Variants in MARCHF6 observed in about 807,000 individuals in gnomAD.
MARCHF6 encodes membrane associated ring-CH-type finger 6, also known as E3 ubiquitin-protein ligase MARCHF6.
Under a neutral mutation model 133.7 loss-of-function variants are expected in MARCHF6, and 31 were observed. That is an observed-to-expected ratio of 0.23 (90% CI 0.17 to 0.31). The LOEUF (loss-of-function observed/expected upper bound fraction) is 0.31, where lower values mean the gene tolerates loss of function less well. MARCHF6 is among the 10% of genes least tolerant of loss of function. MARCHF6 has a pLI of 1.00. For missense variants in MARCHF6, 723 were observed against 1,121.6 expected (o/e 0.64, Z 5.08); for synonymous variants, 395 against 402.5 (o/e 0.98, Z 0.22).
At chr5:10,363,791 T>G (rs1735965051) in intron 1 of MARCHF6, among the ~76,000 whole-genome samples, 1 of 152,228 alleles carries the variant, frequency 6.6e-6, no homozygotes, top group Non-Finnish European at 1.5e-5. Flanking sequence ...AATTAAGTAC[T>G]GATGCATGGT....
chr5:10,415,369 C>A, intron 20 of MARCHF6, 119 bp from the exon 21 acceptor site: 1 of 888,298 alleles, frequency 1.1e-6, no homozygotes, highest in Non-Finnish European at 1.8e-6. Flanking sequence ...TTGATGAAGA[C>A]ATTGATATAT....
chr5:10,379,924 C>T (rs987602580), intron 3 of MARCHF6, among the ~76,000 whole-genome samples: 1 of 152,072 alleles, frequency 6.6e-6, no homozygotes, highest in African/African-American at 2.4e-5. Flanking sequence ...TTTTAAATTA[C>T]CGTTTTTTTC....
At chr5:10,427,391 G>A (rs1315236448) in intron 24 of MARCHF6, among the ~76,000 whole-genome samples, 1 of 152,068 alleles carries the variant, frequency 6.6e-6, no homozygotes, top group African/African-American at 2.4e-5. Context: ...TTCCTCTGTG[G>A]CCTTTAATGC....
In MARCHF6 at chr5:10,439,321, G is replaced by T. The variant is rs892980059; in HGVS notation, c.*5637G>T. ...AAGATTAAAGTCCAAATGGATTATA[G>T]TTCCCCAAAACTGTATAATTTCTAG... On this transcript the variant is annotated 3_prime_UTR_variant, in exon 26 of 26. Coordinates refer to ENST00000274140, the MANE Select transcript of MARCHF6 (RefSeq NM_005885.4). 3.3e-5 allele frequency: 5 copies of T among 152,184 alleles called. No homozygotes were observed. Among genetic ancestry groups the T allele is most frequent in the Non-Finnish European group, 5.9e-5 (4 of 68,036 alleles). 9.4% of individuals were successfully genotyped at this position (152,184 alleles called of 1,614,324 possible).
rs1738264357 is a variant in MARCHF6 at position 10,397,488 on chromosome 5, T to C, written c.913+144T>C. 5 of 565,788 alleles carry C rather than the reference T, an allele frequency of 8.8e-6. No homozygotes were observed. In the South Asian group the frequency reaches 9.6e-5, roughly 11 times the overall value. 35.0% of individuals were successfully genotyped at this position (565,788 alleles called of 1,614,324 possible). On this transcript the variant is annotated intron_variant, in intron 10 of 25. Coordinates refer to ENST00000274140, the MANE Select transcript of MARCHF6 (RefSeq NM_005885.4). ...TGAAAATAGTTTCAGATACAAACCC[T>C]GTATAGATAGGCCCCAGACAGACAG...
Position 10,372,299 on chromosome 5 carries a change from A to G in MARCHF6, c.20-5499A>G, listed in dbSNP as rs532173370. ...CTTTATTTTTTTATCATGTCTGTGTACTATTGTTAGTGGATATAATGCTTT... is the reference window on the plus strand; with the variant it reads ...CTTTATTTTTTTATCATGTCTGTGTGCTATTGTTAGTGGATATAATGCTTT... On this transcript the variant is annotated intron_variant, in intron 1 of 25. Coordinates refer to ENST00000274140, the MANE Select transcript of MARCHF6 (RefSeq NM_005885.4). Among the ~76,000 whole-genome samples, 20 of 152,266 alleles carry G rather than the reference A, an allele frequency of 1.3e-4. No individual in the cohort carries two copies. The South Asian group carries it at 3.9e-3, about 30-fold the overall frequency.
rs1018210445 is a variant in MARCHF6, at chr5:10,437,303, A to T, written c.*3619A>T. ...ATTTAAAATACTTCTTTAGGATGTT[A>T]TTCAGCCATCAAAAAAAAACCCAAC... is the stretch of plus-strand genomic sequence containing the variant. On this transcript the variant is annotated 3_prime_UTR_variant, in exon 26 of 26. Coordinates refer to ENST00000274140, the MANE Select transcript of MARCHF6 (RefSeq NM_005885.4). 1 of 152,190 alleles carries T rather than the reference A, an allele frequency of 6.6e-6. No individual in the cohort carries two copies. Among genetic ancestry groups the T allele is most frequent in the African/African-American group, 2.4e-5 (1 of 41,450 alleles). 9.4% of individuals were successfully genotyped at this position (152,190 alleles called of 1,614,324 possible). A position where few individuals can be genotyped will look rare whatever the true frequency, so the allele number is the denominator to read the frequency against.
intron 1 of MARCHF6, among the ~76,000 whole-genome samples, chr5:10,373,322 A>T (rs1334682001): frequency 1.3e-5 from 2 of 151,986 alleles, no homozygotes; most frequent in Non-Finnish European, 2.9e-5. Flanking sequence ...CTAAGTGGAG[A>T]TCCATGTCTC....
In MARCHF6 at chr5:10,390,196, CA is replaced by C. The variant is rs796927126; in HGVS notation, c.408-135del. On this transcript the variant is annotated intron_variant, in intron 5 of 25. Coordinates refer to ENST00000274140, the MANE Select transcript of MARCHF6 (RefSeq NM_005885.4). The stretch of plus-strand genomic sequence containing the variant: ...TTCTTTTGGAGAAACTTGAGATTTT[CA>C]TCCAAAAAATTATGATTTATTCTTC... 1.7e-5 allele frequency: 12 copies of C among 689,282 alleles called. No individual in the cohort carries two copies. The African/African-American group carries it at 2.0e-4, about 12-fold the overall frequency. 42.7% of individuals were successfully genotyped at this position (689,282 alleles called of 1,614,324 possible). A position where few individuals can be genotyped will look rare whatever the true frequency, so the allele number is the denominator to read the frequency against.
chr5:10,392,629 C>T (rs1321123534), intron 7 of MARCHF6, among the ~76,000 whole-genome samples: 1 of 152,106 alleles, frequency 6.6e-6, no homozygotes, highest in East Asian at 1.9e-4. Flanking sequence ...TGGCGCACGC[C>T]TGTAATCCCA....
intron 17 of MARCHF6, among the ~76,000 whole-genome samples, chr5:10,408,113 C>T (rs1561136868): frequency 6.6e-6 from 1 of 152,186 alleles, no homozygotes; most frequent in Non-Finnish European, 1.5e-5. Flanking sequence ...TCTAATGAGT[C>T]TTTAAAGTAT....
intron 24 of MARCHF6, 79 bp downstream of exon 24, chr5:10,426,601 A>G: frequency 6.9e-7 from 1 of 1,443,186 alleles, no homozygotes; most frequent in Non-Finnish European, 9.6e-7. Flanking sequence ...AGTAAAAAGG[A>G]TGTCTCACTC....
intron 1 of MARCHF6, among the ~76,000 whole-genome samples, chr5:10,373,688 G>T (rs541352530): frequency 3.3e-5 from 5 of 152,126 alleles, no homozygotes; most frequent in African/African-American, 9.7e-5. Flanking sequence ...GACACCCTTT[G>T]TCATGCTGTG....
intron 1 of MARCHF6, among the ~76,000 whole-genome samples, chr5:10,365,955 T>G (rs1736116718): frequency 6.6e-6 from 1 of 151,980 alleles, no homozygotes. Context: ...TACTTTTTTT[T>G]TGTTTTTTGG....
In MARCHF6 at chr5:10,378,784, C is replaced by A; in HGVS notation, c.142C>A (p.Arg48=). 6.2e-7 allele frequency: 1 copy of A among 1,608,686 alleles called. No individual in the cohort carries two copies. Among genetic ancestry groups the A allele is most frequent in the Non-Finnish European group, 8.5e-7 (1 of 1,176,688 alleles). The change falls in exon 3 of 26, where the codon CGA becomes AGA. Residue 48 remains arginine, a synonymous_variant. Transcript: ENST00000274140. ...ECLVQWLKHS[R]KEYCELCKHR... is the part of the protein sequence containing the mutation. ...CTTAGTTCAATGGCTGAAACACAGT[C>A]GAAAAGAATACTGTGAATTATGCAA...
At chr5:10,378,961 G>C in intron 3 of MARCHF6, 129 bp downstream of exon 3, 2 of 526,216 alleles carry the variant, frequency 3.8e-6, no homozygotes, top group Non-Finnish European at 6.7e-6. Flanking sequence ...ATTATTTTCA[G>C]CTTGATTTTT....
rs1285059624 is a variant in MARCHF6, at chr5:10,435,751, C to G, written c.*2067C>G. On this transcript the variant is annotated 3_prime_UTR_variant, in exon 26 of 26. Coordinates refer to ENST00000274140, the MANE Select transcript of MARCHF6 (RefSeq NM_005885.4). ...TTTGCCCCCGAGACAGAGTCTTACT[C>G]TGTTGCCCAGGCTGGAGTGCAGTGG... is the stretch of plus-strand genomic sequence containing the variant. 9.2e-6 allele frequency: 1 copy of G among 108,572 alleles called. No homozygotes were observed. Among genetic ancestry groups the G allele is most frequent in the Admixed American group, 1.2e-4 (1 of 8,592 alleles). The allele number at this position is 108,572 out of a possible 1,614,324, so 6.7% of individuals were successfully genotyped here.
Position 10,402,073 on chromosome 5 carries a change from T to C in MARCHF6, c.987T>C (p.His329=). The C allele has an allele frequency of 6.2e-7, 1 of 1,605,314 alleles. No individual in the cohort carries two copies. The change falls in exon 12 of 26, where the codon CAT becomes CAC. Residue 329 remains histidine (H), a synonymous_variant. Transcript: ENST00000274140. ...CTTATTTCCAGGTCCAAGCATCTCA[T>C]TTTGAAGGCCTAATCACAACCATAG... is the stretch of plus-strand genomic sequence containing the variant. ...LGFEEHVQAS[H]FEGLITTIVG... is the part of the protein sequence containing the mutation.
At chr5:10,416,734 T>G (rs1039615497) in intron 21 of MARCHF6, among the ~76,000 whole-genome samples, 8 of 152,338 alleles carry the variant, frequency 5.3e-5, no homozygotes, top group African/African-American at 1.7e-4. Context: ...CTGTGTCAGC[T>G]TTATTTTCAT....
Sources: allele counts gnomAD v4.1 joint callset (sites outside exome capture counted in the v4.1 genomes callset), GRCh38; gene constraint gnomAD v4.1.1; transcripts MANE v1.5; gene names NCBI Gene and HGNC (gene_info 2026-07-23, HGNC 2026-07-21).